The following BPIFB2 variants were observed in gnomAD, a reference collection of about 807,000 sequenced individuals.
The protein encoded by BPIFB2 is BPI fold containing family B member 2.
BPIFB2 carries 39 observed loss-of-function variants against 50.1 expected under a neutral mutation model. The ratio of observed to expected loss-of-function variants is 0.78; its 90% CI spans 0.60 to 1.02. BPIFB2 has a LOEUF of 1.02. Ranked by LOEUF, BPIFB2 falls within the 50% of genes least tolerant of loss-of-function variation. The probability of loss-of-function intolerance (pLI) is 0.00; values close to 1 mark genes in which losing one functional copy is unlikely to be tolerated. For missense variants in BPIFB2, 574 were observed against 585.8 expected, an observed-to-expected ratio of 0.98 and a Z score of 0.21; for synonymous variants, 280 against 256.3, an observed-to-expected ratio of 1.09 and a Z score of -0.88.
chr20:33,019,591 G>A lies in BPIFB2; in HGVS notation c.921G>A (p.Gln307=). ...CTCTGCCTCCCCAGGTGGCCCGCCA[G>A]TTTCCCGAGCCCATGCCTGTGGTGC... ...LGRLIPEVAR[Q]FPEPMPVVLK... The change falls in exon 11 of 16, where the codon CAG becomes CAA. Residue 307 remains glutamine, a synonymous_variant. Coordinates refer to ENST00000170150, the MANE Select transcript of BPIFB2 (RefSeq NM_025227.3). The A allele has an allele frequency of 1.3e-6, 2 of 1,585,032 alleles. No individual in the cohort carries two copies. The highest frequency in any genetic ancestry group is 1.7e-6 in the Non-Finnish European group (2 of 1,162,456).
Position 33,023,297 on chromosome 20 carries a change from C to A in BPIFB2, c.1336-45C>A, listed in dbSNP as rs376680833. ...GGCTGAGGGGGCGGCTGGGGTCCTG[C>A]CTGTGCCTCCTCTGACCTGGTCCAT... On this transcript the variant is annotated intron_variant, in intron 15 of 15. Transcript: ENST00000170150. The A allele has an allele frequency of 2.5e-6, 4 of 1,593,780 alleles. No homozygotes were observed. The Admixed American group carries it at 6.7e-5, about 27-fold the overall frequency.
chr20:33,016,485 G>T (rs558281606), intron 6 of BPIFB2, among the ~76,000 whole-genome samples: 1 of 152,314 alleles, frequency 6.6e-6, no homozygotes, highest in South Asian at 2.1e-4. Flanking sequence ...GCCAGCTCTT[G>T]CCTGGTTAAG....
Position 33,008,601 on chromosome 20 carries a change from G to A in BPIFB2, c.27G>A (p.Leu9=). The part of the protein sequence containing the change: MAWASRLG[L]LLALLLPVVG... ...TGGCTTGGGCAAGTAGGCTGGGCCT[G>A]CTGCTGGCACTGCTGCTGCCCGTGG... The change falls in exon 2 of 16, where the codon CTG becomes CTA. Residue 9 remains leucine (L), a synonymous_variant. Transcript: ENST00000170150. 6.2e-7 allele frequency: 1 copy of A among 1,603,028 alleles called. No homozygotes were observed. Among genetic ancestry groups the A allele is most frequent in the Non-Finnish European group, 8.5e-7 (1 of 1,175,044 alleles).
rs1191558644 is a variant in BPIFB2, at chr20:33,021,734, A to G, written c.1270A>G (p.Met424Val). The change falls in exon 15 of 16, where the codon ATG becomes GTG. Residue 424 changes from methionine (M) to valine (V), a missense_variant. Coordinates refer to ENST00000170150, the MANE Select transcript of BPIFB2 (RefSeq NM_025227.3). ...TTTCTCGCCTGCAGCTCTCTTGGCCATGGGAATTGCCCTCCCTGGTGTGGT... is the reference window on the plus strand; with the variant it reads ...TTTCTCGCCTGCAGCTCTCTTGGCCGTGGGAATTGCCCTCCCTGGTGTGGT... ...LLDHLNALLA[M>V]GIALPGVVNL... is the part of the protein sequence containing the mutation. 1 of 1,614,166 alleles carries G rather than the reference A, an allele frequency of 6.2e-7. No individual in the cohort carries two copies. Among genetic ancestry groups the G allele is most frequent in the Admixed American group, 1.7e-5 (1 of 60,026 alleles).
chr20:33,018,726 C>T lies in BPIFB2; in HGVS notation c.759C>T (p.Ser253=), dbSNP rs757957519. The change falls in exon 9 of 16, where the codon TCC becomes TCT. Residue 253 remains serine (S), a synonymous_variant. Transcript: ENST00000170150. Reference sequence around the variant, plus strand: ...CAAGGCATGTGGGTACCGAGGGCTCCATGGCCACCGTGGGCCTCTCCCAGC... The same window carrying T: ...CAAGGCATGTGGGTACCGAGGGCTCTATGGCCACCGTGGGCCTCTCCCAGC... ...VLPRHVGTEG[S]MATVGLSQQL... The T allele has an allele frequency of 6.2e-6, 10 of 1,614,118 alleles. No homozygotes were observed. The highest frequency in any genetic ancestry group is 8.5e-6 in the Non-Finnish European group (10 of 1,180,054).
At chr20:33,016,948 C>A in intron 6 of BPIFB2, 94 bp from the exon 7 acceptor site, 1 of 1,159,210 alleles carries the variant, frequency 8.6e-7, no homozygotes, top group Non-Finnish European at 1.3e-6. Flanking sequence ...GTTGGGGAGG[C>A]TTCTAGACAG....
At position 33,013,834 on chromosome 20, in the gene BPIFB2, G is replaced by A. The variant is rs148455522; in HGVS notation, c.333G>A (p.Thr111=). The A allele has an allele frequency of 1.5e-4, 246 of 1,613,762 alleles. 1 individual carries two copies. The African/African-American group carries it at 2.8e-3, about 18-fold the overall frequency. Residue 111 remains threonine (T), a synonymous_variant, in exon 5 of 16, where the codon ACG becomes ACA. Coordinates refer to ENST00000170150, the MANE Select transcript of BPIFB2 (RefSeq NM_025227.3). The part of the protein sequence containing the change: ...VFRAPEPLEL[T]LPVELLADTR... ...GCGCCCCAGAGCCCCTGGAGCTGAC[G>A]CTGCCTGTGGAACTGCTGGCTGACA... is the stretch of plus-strand genomic sequence containing the variant.
At chr20:33,015,669 G>A (rs1223273845) in intron 6 of BPIFB2, among the ~76,000 whole-genome samples, 173 bp downstream of exon 6, 2 of 151,924 alleles carry the variant, frequency 1.3e-5, no homozygotes, top group Non-Finnish European at 2.9e-5. Context: ...CAGGTCCAGG[G>A]GAGTGATGGG....
chr20:33,011,851 T>C (rs1373804475), intron 3 of BPIFB2, among the ~76,000 whole-genome samples: 1 of 152,058 alleles, frequency 6.6e-6, no homozygotes. Context: ...TGGTGGCGTG[T>C]GCCTGTAATC....
chr20:33,019,095 C>T lies in BPIFB2; in HGVS notation c.889C>T (p.Leu297=). ...SDDNLLNTSA[L]GRLIPEVARQ... The stretch of plus-strand genomic sequence containing the variant: ...TGACAACCTGCTGAACACCTCTGCT[C>T]TGGGCCGGCTCATCCCGGAGGTCGG... Residue 297 remains leucine, a synonymous_variant, in exon 10 of 16, where the codon CTG becomes TTG. Coordinates refer to ENST00000170150, the MANE Select transcript of BPIFB2 (RefSeq NM_025227.3). The T allele has an allele frequency of 6.2e-7, 1 of 1,614,166 alleles. No homozygotes were observed. Among genetic ancestry groups the T allele is most frequent in the Non-Finnish European group, 8.5e-7 (1 of 1,180,022 alleles).
intron 7 of BPIFB2, among the ~76,000 whole-genome samples, chr20:33,018,052 G>A (rs777283020): frequency 2.5e-4 from 38 of 152,178 alleles, no homozygotes; most frequent in Admixed American, 5.9e-4. Context: ...CTAAGAGTCA[G>A]CAGGCTGTGA....
chr20:33,014,177 C>T lies in BPIFB2; in HGVS notation c.455+221C>T, dbSNP rs147062594. Among the ~76,000 whole-genome samples the T allele has an allele frequency of 5.7e-3, 868 of 152,272 alleles. 9 individuals are homozygous for T. Among genetic ancestry groups the T allele is most frequent in the African/African-American group, 0.02 (815 of 41,562 alleles). On this transcript the variant is annotated intron_variant, in intron 5 of 15. Coordinates refer to ENST00000170150, the MANE Select transcript of BPIFB2 (RefSeq NM_025227.3). ...GAGCGGCCAGAGCCTGGGACCTTTC[C>T]ATCCCCTGCACCACTTGACAATACA...
rs1001333694 is a variant in BPIFB2 at position 33,009,136 on chromosome 20, G to A, written c.109+453G>A. Among the ~76,000 whole-genome samples the A allele has an allele frequency of 2.6e-5, 4 of 152,152 alleles. No homozygotes were observed. The highest frequency in any genetic ancestry group is 7.2e-5 in the African/African-American group (3 of 41,436). ...ACGTTTGCGTATGTGGTGTGTGCAC[G>A]CACGTGTGTTCTTGGGAGAGGTCTG... is the stretch of plus-strand genomic sequence containing the variant. On this transcript the variant is annotated intron_variant, in intron 2 of 15. Transcript: ENST00000170150. The surrounding 1 kb of genome is among the most constrained non-coding windows in gnomAD (Gnocchi z 4.2).
In BPIFB2 at chr20:33,012,818, T is replaced by A; in HGVS notation, c.219T>A (p.Asn73Lys). 1 of 1,613,780 alleles carries A rather than the reference T, an allele frequency of 6.2e-7. No homozygotes were observed. The highest frequency in any genetic ancestry group is 8.5e-7 in the Non-Finnish European group (1 of 1,179,686). Residue 73 changes from asparagine to lysine, a missense_variant, in exon 4 of 16, where the codon AAT becomes AAA. Asn to Lys is a moderately conservative substitution (Grantham distance 94, BLOSUM62 0). Transcript: ENST00000170150. ...TACCCTGCAGGATCCGGATTCTGAATGTCCATGTGCCCCGCCTCCACCTGA... is the reference window on the plus strand; with the variant it reads ...TACCCTGCAGGATCCGGATTCTGAAAGTCCATGTGCCCCGCCTCCACCTGA... ...ALQPTRIRIL[N>K]VHVPRLHLKF... is the part of the protein sequence containing the mutation.
rs1978590112 is a variant in BPIFB2 at position 33,019,765 on chromosome 20, G to C, written c.1080+15G>C. 9.5e-6 allele frequency: 15 copies of C among 1,571,812 alleles called. No homozygotes were observed. The highest frequency in any genetic ancestry group is 1.2e-5 in the Non-Finnish European group (14 of 1,155,994). On this transcript the variant is annotated intron_variant, in intron 11 of 15. Coordinates refer to ENST00000170150, the MANE Select transcript of BPIFB2 (RefSeq NM_025227.3). ...CCCTGGATGTGGTGAGTGCGGTGGG[G>C]CTGGTCGGAAGGCAGGCAACTGTCA... is the stretch of plus-strand genomic sequence containing the variant.
chr20:33,012,858 T>G lies in BPIFB2; in HGVS notation c.259T>G (p.Phe87Val). The change falls in exon 4 of 16, where the codon TTC becomes GTC. Residue 87 changes from phenylalanine to valine, a missense_variant. Physicochemically the swap from Phe to Val is conservative, Grantham distance 50 (BLOSUM62 -1). Transcript: ENST00000170150. ...PRLHLKFIAG[F>V]GVRLLAAANF... The stretch of plus-strand genomic sequence containing the variant: ...CCTCCACCTGAAATTCATTGCTGGT[T>G]TCGGAGTGCGCCTGCTGGCAGCAGC... The G allele has an allele frequency of 6.2e-7, 1 of 1,614,066 alleles. No individual in the cohort carries two copies. Among genetic ancestry groups the G allele is most frequent in the Non-Finnish European group, 8.5e-7 (1 of 1,179,982 alleles).
intron 14 of BPIFB2, 56 bp from the exon 15 acceptor site, chr20:33,021,667 G>A: frequency 6.5e-7 from 1 of 1,541,576 alleles, no homozygotes; most frequent in Non-Finnish European, 9.0e-7. Flanking sequence ...ATGCACATGA[G>A]GGCTTCAGCA....
intron 2 of BPIFB2, among the ~76,000 whole-genome samples, chr20:33,010,596 C>A (rs1220037717): frequency 2.6e-5 from 4 of 152,086 alleles, no homozygotes; most frequent in African/African-American, 7.2e-5. Context: ...GTGAGGCTGT[C>A]CCCTCCCCTC....
At chr20:33,010,907 A>G (rs562699095) in intron 2 of BPIFB2, 117 bp from the exon 3 acceptor site, 28 of 868,642 alleles carry the variant, frequency 3.2e-5, no homozygotes, top group Non-Finnish European at 5.2e-5. Context: ...GAGTAAGCCT[A>G]CCCCTTCCAG....
Sources: gnomAD v4.1 joint callset for allele counts (sites outside exome capture counted in the v4.1 genomes callset) on GRCh38, gnomAD v4.1.1 for gene constraint, Gnocchi (gnomAD v3.1) non-coding constraint, MANE v1.5 for transcripts, NCBI Gene and HGNC (gene_info 2026-07-23, HGNC 2026-07-21) for gene names.